HKDC1: variants seen among roughly 807,000 people sequenced by gnomAD.
HKDC1 encodes hexokinase domain containing 1.
Under a neutral mutation model 96.6 loss-of-function variants are expected in HKDC1, and 66 were observed. The ratio of observed to expected loss-of-function variants is 0.68; its 90% CI spans 0.56 to 0.84. The LOEUF (loss-of-function observed/expected upper bound fraction) is 0.84. HKDC1 is among the 40% of genes least tolerant of loss of function. The pLI, the probability that HKDC1 is intolerant of heterozygous loss-of-function variation, is 0.00. For missense variants in HKDC1, 1,211 were observed against 1,208.1 expected (o/e 1.00, Z -0.04); for synonymous variants, 466 against 473.1 (o/e 0.98, Z 0.20).
chr10:69,233,178 G>A, intron 4 of HKDC1, 45 bp downstream of exon 4: 2 of 1,610,492 alleles, frequency 1.2e-6, no homozygotes, highest in Non-Finnish European at 1.7e-6. Flanking sequence ...GGGGCTTGGG[G>A]AATGTGGGCA....
In HKDC1 at chr10:69,248,678, C is replaced by T; in HGVS notation, c.1520C>T (p.Ala507Val). The change falls in exon 10 of 18, where the codon GCC becomes GTC. Residue 507 changes from alanine to valine, a missense_variant. Ala to Val is a moderately conservative substitution (Grantham distance 64). Transcript: ENST00000354624. ...CTGAAGAAGAAGAGCCACGGGCTGG[C>T]CACGGTCAGGATGCTGCCCACCTAC... ...YGLKKKSHGLATVRMLPTYVC... is the reference protein window; with the variant it reads ...YGLKKKSHGLVTVRMLPTYVC... 1 of 1,613,824 alleles carries T rather than the reference C, an allele frequency of 6.2e-7. No homozygotes were observed.
chr10:69,231,109 G>A (rs766800832), intron 2 of HKDC1, among the ~76,000 whole-genome samples: 5 of 152,190 alleles, frequency 3.3e-5, no homozygotes, highest in Non-Finnish European at 5.9e-5. Context: ...GATAGTGATT[G>A]CGATGCGGGC....
At chr10:69,235,447 CA>C (rs1843345870) in intron 4 of HKDC1, among the ~76,000 whole-genome samples, 1 of 109,326 alleles carries the variant, frequency 9.1e-6, no homozygotes, top group Non-Finnish European at 1.8e-5. Flanking sequence ...CAAAAAACAA[CA>C]ACAAGCAAAC....
chr10:69,232,916 C>G lies in HKDC1; in HGVS notation c.375+4C>G, dbSNP rs763467373. The G allele has an allele frequency of 1.2e-6, 2 of 1,612,214 alleles. No individual in the cohort carries two copies. The highest frequency in any genetic ancestry group is 1.7e-6 in the Non-Finnish European group (2 of 1,180,022). On this transcript the variant is annotated splice_donor_region_variant and intron_variant, in intron 3 of 17. Coordinates refer to ENST00000354624, the MANE Select transcript of HKDC1 (RefSeq NM_025130.4). ...CATCCGCGGGAACGGCACAGAGGTA[C>G]CTGGCAGGTGGCTCCTGTGACCGCA... is the stretch of plus-strand genomic sequence containing the variant.
Position 69,246,197 on chromosome 10 carries a change from G to A in HKDC1, c.994G>A (p.Gly332Ser). Reference protein sequence around the residue: ...GEKSSALHTKGKIETRHVAAM... With the variant: ...GEKSSALHTKSKIETRHVAAM... ...GAAATCTTCTGCTCTCCACACTAAG[G>A]GCAAGATCGAAACACGGCACGTGGC... is the stretch of plus-strand genomic sequence containing the variant. Residue 332 changes from glycine to serine, a missense_variant, in exon 8 of 18, where the codon GGC becomes AGC. By Grantham distance (56) the Gly-to-Ser change is moderately conservative. Coordinates refer to ENST00000354624, the MANE Select transcript of HKDC1 (RefSeq NM_025130.4). 6.2e-7 allele frequency: 1 copy of A among 1,614,164 alleles called. No individual in the cohort carries two copies. The highest frequency in any genetic ancestry group is 8.5e-7 in the Non-Finnish European group (1 of 1,180,034).
At chr10:69,258,362 G>A (rs1362280172) in intron 14 of HKDC1, among the ~76,000 whole-genome samples, 1 of 152,168 alleles carries the variant, frequency 6.6e-6, no homozygotes, top group Non-Finnish European at 1.5e-5. Context: ...CAGATGCCAA[G>A]CATTTGCTTG....
intron 16 of HKDC1, among the ~76,000 whole-genome samples, chr10:69,263,355 T>C (rs1843839445): frequency 6.6e-6 from 1 of 152,116 alleles, no homozygotes; most frequent in Non-Finnish European, 1.5e-5. Context: ...TGCCTAGAAC[T>C]CCCAAAGTGG....
Position 69,247,615 on chromosome 10 carries a change from C to A in HKDC1, c.1265+22C>A, listed in dbSNP as rs370270952. Reference sequence around the variant, plus strand: ...CTCAGTGAGTGCTGCCTGCCATCCACGCCCCCACAAATGAGTCTCCCTGGA... The same window carrying A: ...CTCAGTGAGTGCTGCCTGCCATCCAAGCCCCCACAAATGAGTCTCCCTGGA... On this transcript the variant is annotated intron_variant, in intron 9 of 17. Transcript: ENST00000354624. The A allele has an allele frequency of 4.4e-6, 7 of 1,588,160 alleles. No homozygotes were observed. In the African/African-American group the frequency reaches 8.1e-5, roughly 18 times the overall value.
chr10:69,234,253 A>G (rs2132342133), intron 4 of HKDC1, among the ~76,000 whole-genome samples: 1 of 152,104 alleles, frequency 6.6e-6, no homozygotes. Flanking sequence ...GATGTGCTTG[A>G]TATTGTTGGC....
Position 69,248,702 on chromosome 10 carries a change from A to G in HKDC1, c.1544A>G (p.Tyr515Cys), listed in dbSNP as rs1843586968. 2.6e-5 allele frequency: 42 copies of G among 1,611,260 alleles called. No homozygotes were observed. Among genetic ancestry groups the G allele is most frequent in the Non-Finnish European group, 3.6e-5 (42 of 1,178,158 alleles). The change falls in exon 10 of 18, where the codon TAC (tyrosine) becomes TGC (cysteine). Residue 515 changes from tyrosine to cysteine, a missense_variant. Transcript: ENST00000354624. ...GCCACGGTCAGGATGCTGCCCACCT[A>G]CGTCTGCGGGCTGCCGGACGGCACA... is the stretch of plus-strand genomic sequence containing the variant. Reference protein sequence around the residue: ...GLATVRMLPTYVCGLPDGTEK... With the variant: ...GLATVRMLPTCVCGLPDGTEK...
chr10:69,248,120 A>G (rs879525496), intron 9 of HKDC1, among the ~76,000 whole-genome samples: 1 of 152,226 alleles, frequency 6.6e-6, no homozygotes, highest in African/African-American at 2.4e-5. Context: ...CACCCTGGAA[A>G]GAGCTGAGAA....
chr10:69,264,662 G>A (rs1843864074), intron 16 of HKDC1, among the ~76,000 whole-genome samples: 1 of 152,096 alleles, frequency 6.6e-6, no homozygotes, highest in Non-Finnish European at 1.5e-5. Context: ...CCACTGTGCT[G>A]GCCACAAACT....
At chr10:69,229,764 C>A (rs1843222644) in intron 2 of HKDC1, among the ~76,000 whole-genome samples, 1 of 152,160 alleles carries the variant, frequency 6.6e-6, no homozygotes, top group Admixed American at 6.5e-5. Flanking sequence ...CTCCGCAGAG[C>A]CTCTCACCAC....
Position 69,227,327 on chromosome 10 carries a change from A to G in HKDC1, c.184A>G (p.Lys62Glu). The G allele has an allele frequency of 6.2e-7, 1 of 1,614,164 alleles. No individual in the cohort carries two copies. Among genetic ancestry groups the G allele is most frequent in the Non-Finnish European group, 8.5e-7 (1 of 1,180,026 alleles). ...GGACACCAACCCCACGGCTGCAGTGAAGATGTTGCCCACCTTCGTCAGGGC... is the reference window on the plus strand; with the variant it reads ...GGACACCAACCCCACGGCTGCAGTGGAGATGTTGCCCACCTTCGTCAGGGC... ...AKDTNPTAAVKMLPTFVRAIP... is the reference protein window; with the variant it reads ...AKDTNPTAAVEMLPTFVRAIP... The change falls in exon 2 of 18, where the codon AAG becomes GAG. Residue 62 changes from lysine (K) to glutamate (E), a missense_variant. By Grantham distance (56) the Lys-to-Glu change is moderately conservative. Coordinates refer to ENST00000354624, the MANE Select transcript of HKDC1 (RefSeq NM_025130.4).
At chr10:69,225,460 C>T (rs1431979567) in intron 1 of HKDC1, among the ~76,000 whole-genome samples, 1 of 152,152 alleles carries the variant, frequency 6.6e-6, no homozygotes, top group African/African-American at 2.4e-5. Flanking sequence ...CTGGTTCCAT[C>T]CTGTTTCTCA....
chr10:69,238,948 C>T, intron 4 of HKDC1, 94 bp from the exon 5 acceptor site: 1 of 774,842 alleles, frequency 1.3e-6, no homozygotes, highest in Non-Finnish European at 2.2e-6. Context: ...GAAGAGAAGG[C>T]CATGGGGGAT....
intron 1 of HKDC1, among the ~76,000 whole-genome samples, chr10:69,225,373 C>T (rs868427558): frequency 2.0e-5 from 3 of 152,214 alleles, no homozygotes; most frequent in African/African-American, 7.2e-5. Context: ...CCAGTTTTCT[C>T]GGCTTGTGTG....
At chr10:69,227,483 G>A in intron 2 of HKDC1, 114 bp downstream of exon 2, 1 of 1,117,154 alleles carries the variant, frequency 9.0e-7, no homozygotes, top group Non-Finnish European at 1.3e-6. Context: ...TCTCTCTGCT[G>A]TCCCACCCTC....
intron 6 of HKDC1, among the ~76,000 whole-genome samples, chr10:69,241,477 C>A (rs1017412830): frequency 6.6e-6 from 1 of 151,964 alleles, no homozygotes; most frequent in Non-Finnish European, 1.5e-5. Flanking sequence ...TAAATGGATG[C>A]GCATTTTATT....
Sources: allele counts gnomAD v4.1 joint callset (sites outside exome capture counted in the v4.1 genomes callset), GRCh38; gene constraint gnomAD v4.1.1; transcripts MANE v1.5; gene names NCBI Gene and HGNC (gene_info 2026-07-23, HGNC 2026-07-21).